The following FERMT1 variants were observed in gnomAD, a reference collection of about 807,000 sequenced individuals.
FERMT1 encodes FERM domain containing kindlin 1, also known as fermitin family homolog 1.
In FERMT1, 60 loss-of-function variants were observed where a neutral mutation model predicts 85.3. The observed-to-expected ratio is 0.70, with a 90% CI of 0.57 to 0.87. FERMT1 has a LOEUF of 0.87. Ranked by LOEUF, FERMT1 falls within the 40% of genes least tolerant of loss-of-function variation. FERMT1 has a pLI of 0.00. For synonymous variants in FERMT1, 275 were observed against 301.1 expected, an observed-to-expected ratio of 0.91 and a Z score of 0.90; for missense variants, 701 against 818.9, an observed-to-expected ratio of 0.86 and a Z score of 1.76.
intron 2 of FERMT1, among the ~76,000 whole-genome samples, chr20:6,117,372 G>A (rs1193139187): frequency 6.6e-6 from 1 of 151,336 alleles, no homozygotes; most frequent in African/African-American, 2.4e-5. Context: ...GGGTTCAAGC[G>A]ATTCTCCTGC....
At chr20:6,117,364 G>A (rs555029519) in intron 2 of FERMT1, among the ~76,000 whole-genome samples, 2 of 151,754 alleles carry the variant, frequency 1.3e-5, no homozygotes, top group Non-Finnish European at 2.9e-5. Context: ...TGCCTCCTGG[G>A]TTCAAGCGAT....
intron 6 of FERMT1, among the ~76,000 whole-genome samples, chr20:6,103,280 A>G (rs1225011045): frequency 1.3e-5 from 2 of 152,204 alleles, no homozygotes; most frequent in Non-Finnish European, 2.9e-5. Context: ...CTTTTTAAAA[A>G]CAATATGGTA....
intron 12 of FERMT1, among the ~76,000 whole-genome samples, chr20:6,084,861 T>C (rs1036868046): frequency 1.1e-4 from 17 of 151,946 alleles, no homozygotes; most frequent in African/African-American, 4.1e-4. Context: ...GTCTGACTGA[T>C]TTTGTATTTT....
At chr20:6,091,300 T>G (rs6053900) in intron 9 of FERMT1, among the ~76,000 whole-genome samples, 91,866 of 151,456 alleles carry the variant, frequency 0.61, 28,240 homozygotes, top group East Asian at 0.86. Flanking sequence ...CGCAATCTTG[T>G]CTCACTGCAG....
intron 6 of FERMT1, among the ~76,000 whole-genome samples, chr20:6,105,233 C>T (rs546541903): frequency 6.6e-6 from 1 of 152,280 alleles, no homozygotes; most frequent in South Asian, 2.1e-4. Flanking sequence ...GGCAAAGGCC[C>T]ATGTGACCGA....
At chr20:6,096,800 T>TTTAAAATCAGATGAAA in intron 8 of FERMT1, 102 bp downstream of exon 8, 1 of 1,027,308 alleles carries the variant, frequency 9.7e-7, no homozygotes, top group Non-Finnish European at 1.4e-6. Flanking sequence ...TTTTTTTTTT[T>TTTAAAATCAGATGAAA]TCAAAATCAG....
Position 6,110,332 on chromosome 20 carries a change from G to C in FERMT1, c.712C>G (p.Arg238Gly), listed in dbSNP as rs886513862. ...AGCTTGGCTTTATCAACCAGAGACC[G>C]AGGCTGGTACATATCCGCAAGTGCT... ...PEALADMYQP[R>G]SLVDKAKLNA... Residue 238 changes from arginine (R) to glycine (G), a missense_variant, in exon 5 of 15, where the codon CGG becomes GGG. Arg to Gly is a moderately radical substitution (Grantham distance 125, BLOSUM62 -2). Transcript: ENST00000217289. 4 of 1,613,418 alleles carry C rather than the reference G, an allele frequency of 2.5e-6. No homozygotes were observed. Among genetic ancestry groups the C allele is most frequent in the East Asian group, 2.2e-5 (1 of 44,882 alleles).
chr20:6,117,738 G>A (rs1255753073), intron 2 of FERMT1, among the ~76,000 whole-genome samples: 1 of 150,388 alleles, frequency 6.6e-6, no homozygotes, highest in African/African-American at 2.5e-5. Context: ...GTAGAGATGG[G>A]GTTTTACCAT....
At chr20:6,098,578 AT>A (rs1486315999) in intron 6 of FERMT1, among the ~76,000 whole-genome samples, 1 of 151,258 alleles carries the variant, frequency 6.6e-6, no homozygotes, top group Non-Finnish European at 1.5e-5. Flanking sequence ...TAAAATATTA[AT>A]TTTATATTAA....
chr20:6,099,421 G>GAAAAA (rs1982596875), intron 6 of FERMT1, among the ~76,000 whole-genome samples: 1 of 147,190 alleles, frequency 6.8e-6, no homozygotes, highest in African/African-American at 2.6e-5. Context: ...AAAAAAAAAG[G>GAAAAA]AATTAAATTC....
At chr20:6,086,313 G>T (rs1600428847) in intron 11 of FERMT1, among the ~76,000 whole-genome samples, 1 of 152,176 alleles carries the variant, frequency 6.6e-6, no homozygotes, top group East Asian at 1.9e-4. Context: ...TATATTATTT[G>T]TATCCTGGTC....
chr20:6,110,369 G>A lies in FERMT1; in HGVS notation c.675C>T (p.Pro225=). 6.2e-7 allele frequency: 1 copy of A among 1,613,942 alleles called. No homozygotes were observed. Residue 225 remains proline, a synonymous_variant, in exon 5 of 15, where the codon CCC becomes CCT. Coordinates refer to ENST00000217289, the MANE Select transcript of FERMT1 (RefSeq NM_017671.5). The part of the protein sequence containing the change: ...NCSILAFSQP[P]QSPEALADMY... ...TATCCGCAAGTGCTTCTGGGGACTGGGGGGGTTGGCTGAATGCGAGGATGC... is the reference window on the plus strand; with the variant it reads ...TATCCGCAAGTGCTTCTGGGGACTGAGGGGGTTGGCTGAATGCGAGGATGC...
chr20:6,092,239 A>G (rs1454014852), intron 9 of FERMT1, among the ~76,000 whole-genome samples: 3 of 152,168 alleles, frequency 2.0e-5, no homozygotes, highest in Non-Finnish European at 4.4e-5. Flanking sequence ...ACATAAACAC[A>G]TAAGACATTT....
rs780579097 is a variant in FERMT1 at position 6,112,467 on chromosome 20, C to G, written c.532+10G>C. The stretch of plus-strand genomic sequence containing the variant: ...CGTTCAAACAACAAAACACCTGTAA[C>G]AAGTCTTACCTGATGAACCTGAAGC... On this transcript the variant is annotated intron_variant, in intron 4 of 14. Coordinates refer to ENST00000217289, the MANE Select transcript of FERMT1 (RefSeq NM_017671.5). 2.7e-5 allele frequency: 43 copies of G among 1,613,234 alleles called. No individual in the cohort carries two copies. The highest frequency in any genetic ancestry group is 3.6e-5 in the Non-Finnish European group (43 of 1,179,348).
At chr20:6,097,073 A>T in intron 7 of FERMT1, 40 bp from the exon 8 acceptor site, 1 of 1,589,282 alleles carries the variant, frequency 6.3e-7, no homozygotes, top group Non-Finnish European at 8.6e-7. Flanking sequence ...TTATAAACAG[A>T]AATGTTATAA....
Position 6,079,652 on chromosome 20 carries a change from T to C in FERMT1, c.1719-75A>G, listed in dbSNP as rs74512096. On this transcript the variant is annotated intron_variant, in intron 13 of 14. Coordinates refer to ENST00000217289, the MANE Select transcript of FERMT1 (RefSeq NM_017671.5). The stretch of plus-strand genomic sequence containing the variant: ...ACAATGTTCACTCACATATAACTTC[T>C]TAAAAATACTACCAGTATTTCTGAA... 4.2e-3 allele frequency: 5,624 copies of C among 1,328,986 alleles called. 138 individuals carry two copies. The African/African-American group carries it at 0.063, about 15-fold the overall frequency. The allele number at this position is 1,328,986 out of a possible 1,614,324, so 82.3% of individuals were successfully genotyped here. A position where few individuals can be genotyped will look rare whatever the true frequency, so the allele number is the denominator to read the frequency against.
intron 9 of FERMT1, chr20:6,093,957 A>G (rs990117343): frequency 2.0e-5 from 3 of 152,220 alleles, no homozygotes; most frequent in African/African-American, 7.2e-5. Context: ...CTCTGTCTCA[A>G]AAAAAGAAGA....
intron 4 of FERMT1, among the ~76,000 whole-genome samples, chr20:6,112,262 A>C (rs573869233): frequency 6.6e-6 from 1 of 152,300 alleles, no homozygotes; most frequent in East Asian, 1.9e-4. Flanking sequence ...AACATCAGAT[A>C]TACAATTCAA....
intron 12 of FERMT1, 74 bp downstream of exon 12, chr20:6,084,992 C>A: frequency 3.5e-6 from 5 of 1,444,848 alleles, no homozygotes; most frequent in Non-Finnish European, 4.9e-6. Flanking sequence ...CATGCCCAGC[C>A]GGAAATCCTC....
Sources: gnomAD v4.1 joint callset for allele counts (sites outside exome capture counted in the v4.1 genomes callset) on GRCh38, gnomAD v4.1.1 for gene constraint, MANE v1.5 for transcripts, NCBI Gene and HGNC (gene_info 2026-07-23, HGNC 2026-07-21) for gene names.